Variants in C10orf90 observed in about 807,000 individuals in gnomAD.
C10orf90 encodes (E2-independent) E3 ubiquitin-conjugating enzyme FATS.
In C10orf90, 56 loss-of-function variants were observed where a neutral mutation model predicts 62.5. That is an observed-to-expected ratio of 0.90 (90% CI 0.72 to 1.12). The LOEUF (loss-of-function observed/expected upper bound fraction) is 1.12. C10orf90 is among the 50% of genes most tolerant of loss of function. The pLI is 0.00. For missense variants in C10orf90, 970 were observed against 880.4 expected, an observed-to-expected ratio of 1.10 and a Z score of -1.29; for synonymous variants, 386 against 340.4, an observed-to-expected ratio of 1.13 and a Z score of -1.47.
intron 1 of C10orf90, among the ~76,000 whole-genome samples, chr10:126,662,464 A>G (rs182541712): frequency 1.1e-3 from 165 of 152,328 alleles, no homozygotes; most frequent in Non-Finnish European, 1.9e-3. Flanking sequence ...GAGGGCCTGA[A>G]GCAAACTTCT....
intron 2 of C10orf90, chr10:126,521,224 T>A: frequency 6.5e-7 from 1 of 1,527,896 alleles, no homozygotes; most frequent in Non-Finnish European, 9.0e-7. Context: ...CAGAAGATAC[T>A]CAGCGTGGAC....
At chr10:126,556,457 A>G (rs1034297601) in intron 2 of C10orf90, among the ~76,000 whole-genome samples, 1 of 152,214 alleles carries the variant, frequency 6.6e-6, no homozygotes, top group Non-Finnish European at 1.5e-5. Context: ...TTGAAATTAT[A>G]TTACCAACAG....
chr10:126,449,724 C>T (rs776715508), intron 7 of C10orf90, among the ~76,000 whole-genome samples: 10 of 152,052 alleles, frequency 6.6e-5, no homozygotes, highest in East Asian at 1.9e-4. Context: ...CGGGGCCAGG[C>T]GCGATGGCTC....
intron 1 of C10orf90, among the ~76,000 whole-genome samples, chr10:126,665,247 G>A (rs555630821): frequency 2.6e-5 from 4 of 152,284 alleles, no homozygotes; most frequent in East Asian, 3.9e-4. Flanking sequence ...CTTGGAGGCC[G>A]GGACTTCAGG....
At chr10:126,627,815 T>G (rs960555227) in intron 2 of C10orf90, among the ~76,000 whole-genome samples, 3 of 152,220 alleles carry the variant, frequency 2.0e-5, no homozygotes, top group African/African-American at 7.2e-5. Context: ...CTTGAAATTG[T>G]GGGTTCCAGC....
At chr10:126,598,055 C>T (rs1013908897) in intron 2 of C10orf90, among the ~76,000 whole-genome samples, 1 of 152,176 alleles carries the variant, frequency 6.6e-6, no homozygotes, top group Non-Finnish European at 1.5e-5. Flanking sequence ...TCCAGATACC[C>T]TATTTCAATG....
At chr10:126,505,467 G>T (rs916992727) in intron 3 of C10orf90, among the ~76,000 whole-genome samples, 1 of 152,200 alleles carries the variant, frequency 6.6e-6, no homozygotes, top group Non-Finnish European at 1.5e-5. Context: ...GGAGGTGGCT[G>T]GAACTTGGGG....
intron 2 of C10orf90, among the ~76,000 whole-genome samples, chr10:126,599,025 C>T (rs2576018): frequency 0.11 from 16,579 of 152,048 alleles, 1,603 homozygotes; most frequent in African/African-American, 0.24. Flanking sequence ...AACAGAGAAA[C>T]TTGAGGATAT....
intron 2 of C10orf90, among the ~76,000 whole-genome samples, chr10:126,546,852 C>T (rs556968485): frequency 7.9e-5 from 12 of 152,324 alleles, no homozygotes; most frequent in Admixed American, 3.3e-4. Context: ...CCACCAGGTG[C>T]GGTGGCTCAG....
chr10:126,463,985 G>A (rs1860144569), intron 5 of C10orf90, among the ~76,000 whole-genome samples: 1 of 152,140 alleles, frequency 6.6e-6, no homozygotes, highest in African/African-American at 2.4e-5. Flanking sequence ...AACCCAAGCT[G>A]ATATCTTTCT....
chr10:126,521,381 G>A, intron 2 of C10orf90: 1 of 1,612,302 alleles, frequency 6.2e-7, no homozygotes, highest in Non-Finnish European at 8.5e-7. Context: ...TGACAAGGAT[G>A]TATTTGGCGA....
intron 4 of C10orf90, among the ~76,000 whole-genome samples, chr10:126,469,390 A>G (rs1860448945): frequency 6.6e-6 from 1 of 152,134 alleles, no homozygotes; most frequent in African/African-American, 2.4e-5. Flanking sequence ...ACAGACTTCA[A>G]CCAACCACTC....
intron 2 of C10orf90, among the ~76,000 whole-genome samples, chr10:126,573,702 C>T (rs1844555183): frequency 1.3e-5 from 2 of 152,234 alleles, no homozygotes; most frequent in Non-Finnish European, 2.9e-5. Flanking sequence ...CATCCCCAAC[C>T]TTCACAGAAG....
intron 2 of C10orf90, among the ~76,000 whole-genome samples, chr10:126,589,004 G>A (rs1005653732): frequency 6.6e-6 from 1 of 152,136 alleles, no homozygotes; most frequent in African/African-American, 2.4e-5. Context: ...AGTTTAGAGA[G>A]GAGCATAACT....
chr10:126,566,154 C>A (rs1406392273), intron 2 of C10orf90, among the ~76,000 whole-genome samples: 1 of 152,170 alleles, frequency 6.6e-6, no homozygotes, highest in Admixed American at 6.5e-5. Context: ...TAAATTATTT[C>A]ACCTGATCCA....
intron 4 of C10orf90, among the ~76,000 whole-genome samples, chr10:126,466,060 G>A (rs1860267476): frequency 6.6e-6 from 1 of 151,762 alleles, no homozygotes; most frequent in Non-Finnish European, 1.5e-5. Context: ...CTTTTATTTT[G>A]GAATGCCCTA....
Position 126,461,527 on chromosome 10 carries a change from G to A in C10orf90, c.1884C>T (p.Asp628=). ...CTGGGGAGGGCTCAGGTGTGGTGGG[G>A]TCCTCACTCTTCTTACATTCCTTTA... ...VKIKECKKSE[D]PTTPEPSPAA... Residue 628 remains aspartate, a synonymous_variant, in exon 6 of 10, where the codon GAC becomes GAT. Transcript: ENST00000488181. 6.2e-7 allele frequency: 1 copy of A among 1,613,816 alleles called. No individual in the cohort carries two copies. Among genetic ancestry groups the A allele is most frequent in the South Asian group, 1.1e-5 (1 of 91,020 alleles).
At chr10:126,562,138 G>A (rs1431666240) in intron 2 of C10orf90, among the ~76,000 whole-genome samples, 1 of 152,166 alleles carries the variant, frequency 6.6e-6, no homozygotes, top group East Asian at 1.9e-4. Context: ...GCCGGCGTTA[G>A]TTTATCCAGA....
intron 2 of C10orf90, among the ~76,000 whole-genome samples, chr10:126,633,312 C>G (rs913617614): frequency 6.6e-6 from 1 of 152,214 alleles, no homozygotes. Context: ...GAATATCTCA[C>G]AGTATCTGTC....
Sources: allele counts gnomAD v4.1 joint callset (sites outside exome capture counted in the v4.1 genomes callset), GRCh38; gene constraint gnomAD v4.1.1; transcripts MANE v1.5; gene names NCBI Gene and HGNC (gene_info 2026-07-23, HGNC 2026-07-21).